The following TMPRSS9 variants were observed in gnomAD, a reference collection of about 807,000 sequenced individuals.
TMPRSS9 encodes the protein transmembrane protease serine 9.
A neutral mutation model predicts 111.4 loss-of-function variants in TMPRSS9; 113 were observed. The observed-to-expected ratio is 1.01, with a 90% CI of 0.87 to 1.19. TMPRSS9 has a LOEUF of 1.19. TMPRSS9 is among the 50% of genes most tolerant of loss of function. The pLI is 0.00. For synonymous variants in TMPRSS9, 805 were observed against 659.1 expected (o/e 1.22, Z -3.39); for missense variants, 1,803 against 1,513.1 (o/e 1.19, Z -3.18).
chr19:2,392,400 A>T (rs1223552145), intron 1 of TMPRSS9, among the ~76,000 whole-genome samples: 1 of 151,656 alleles, frequency 6.6e-6, no homozygotes, highest in Non-Finnish European at 1.5e-5. Context: ...TAAAAAATAA[A>T]AAAGAAAAAG....
chr19:2,402,277 A>G (rs1232804600), intron 5 of TMPRSS9, among the ~76,000 whole-genome samples: 1 of 151,932 alleles, frequency 6.6e-6, no homozygotes, highest in Non-Finnish European at 1.5e-5. Flanking sequence ...AAATTATTAT[A>G]AAAAATAATA....
At chr19:2,360,730 G>A (rs562576293) in intron 1 of TMPRSS9, among the ~76,000 whole-genome samples, 12 of 148,382 alleles carry the variant, frequency 8.1e-5, no homozygotes, top group East Asian at 2.0e-4. Context: ...TTATGTGGAC[G>A]CAGGTGTGGC....
intron 2 of TMPRSS9, 92 bp from the exon 4 acceptor site, chr19:2,398,703 C>G: frequency 1.2e-6 from 1 of 846,052 alleles, no homozygotes; most frequent in Non-Finnish European, 1.7e-6. Flanking sequence ...CCAACCCCTT[C>G]TCCAGCTCCC....
chr19:2,368,774 G>GTTTGTTTTTTTTTTTT (rs1970265977), intron 1 of TMPRSS9, among the ~76,000 whole-genome samples: 8 of 70,366 alleles, frequency 1.1e-4, no homozygotes, highest in African/African-American at 4.8e-4. Flanking sequence ...GATAAACCCA[G>GTTTGTTTTTTTTTTTT]TTTTTTTTTT....
At position 2,361,046 on chromosome 19, in the gene TMPRSS9, C is replaced by G. The variant is rs1002866974; in HGVS notation, c.-26+686C>G. On this transcript the variant is annotated intron_variant, in intron 1 of 17. Coordinates refer to the TMPRSS9 transcript ENST00000649857. ...CCAGAGTCCTCCCTTCTTTTCTACC[C>G]GTGAACTTCACCTAAAGCAAGAACC... is the stretch of plus-strand genomic sequence containing the variant. Among the ~76,000 whole-genome samples the G allele has an allele frequency of 3.4e-4, 51 of 148,076 alleles. 1 individual carries two copies. The highest frequency in any genetic ancestry group is 3.2e-3 in the Admixed American group (46 of 14,570).
chr19:2,377,206 G>A (rs1970342406), intron 1 of TMPRSS9, among the ~76,000 whole-genome samples: 2 of 148,978 alleles, frequency 1.3e-5, no homozygotes, highest in Admixed American at 1.3e-4. Flanking sequence ...TTTCAGTCCT[G>A]CATATGTCAG....
intron 1 of TMPRSS9, among the ~76,000 whole-genome samples, chr19:2,376,048 C>G (rs905876189): frequency 1.3e-5 from 2 of 152,118 alleles, no homozygotes; most frequent in African/African-American, 4.8e-5. Flanking sequence ...CGTGTGTTGG[C>G]TTCCTGGTGC....
intron 5 of TMPRSS9, among the ~76,000 whole-genome samples, chr19:2,402,236 A>G (rs2096471606): frequency 6.6e-6 from 1 of 151,484 alleles, no homozygotes; most frequent in South Asian, 2.1e-4. Context: ...CTACAAAAAT[A>G]ATAATAAAAA....
intron 7 of TMPRSS9, 22 bp downstream of exon 8, chr19:2,405,567 C>T: frequency 1.3e-6 from 2 of 1,512,318 alleles, no homozygotes; most frequent in Non-Finnish European, 1.8e-6. Flanking sequence ...TCCCAAAGCA[C>T]CAAACCCGAA....
At chr19:2,363,404 G>A (rs1028672928) in intron 1 of TMPRSS9, among the ~76,000 whole-genome samples, 2 of 151,944 alleles carry the variant, frequency 1.3e-5, no homozygotes, top group Admixed American at 6.6e-5. Context: ...TTGCGGAGAC[G>A]TGGAGGCATG....
intron 1 of TMPRSS9, among the ~76,000 whole-genome samples, chr19:2,377,291 ATATATG>A (rs1568169906): frequency 2.4e-4 from 28 of 117,768 alleles, no homozygotes; most frequent in Admixed American, 7.6e-5. Context: ...GTATGTATGT[ATATATG>A]TATGTATGTA....
At chr19:2,418,093 C>T (rs1473134843) in exon 13 of TMPRSS9, 2 of 1,612,368 alleles carry the variant, frequency 1.2e-6, no homozygotes, top group East Asian at 2.2e-5. Flanking sequence ...TCACAGACCG[C>T]ATGATCTGCG....
At position 2,425,386 on chromosome 19, in the gene TMPRSS9, G is replaced by A. The variant is rs1011517301; in HGVS notation, c.3013G>A (p.Ala1005Thr). The change falls in exon 17 of 18, where the codon GCC becomes ACC. Residue 1005 changes from alanine to threonine, a missense_variant. Coordinates refer to ENST00000648592, the Ensembl canonical transcript of TMPRSS9. ...CATGGCGCGGCAGCTGCAGAAGGCG[G>A]CCGTGCGCCTCCTCAGCGAGCAGAC... 13 of 1,549,186 alleles carry A rather than the reference G, an allele frequency of 8.4e-6. No individual in the cohort carries two copies. The African/African-American group carries it at 1.5e-4, about 18-fold the overall frequency.
chr19:2,401,921 C>G (rs1970857091), intron 4 of TMPRSS9, 54 bp from the exon 6 acceptor site: 2 of 1,550,898 alleles, frequency 1.3e-6, no homozygotes, highest in Non-Finnish European at 1.8e-6. Flanking sequence ...AGGATGTGTT[C>G]AAAGGGTTTT....
At chr19:2,419,198 G>C (rs1338001564) in intron 13 of TMPRSS9, among the ~76,000 whole-genome samples, 1 of 112,002 alleles carries the variant, frequency 8.9e-6, no homozygotes. Context: ...CTCTCTCTCT[G>C]TCTTTCTCTC....
chr19:2,369,165 G>A (rs1380473896), intron 1 of TMPRSS9, among the ~76,000 whole-genome samples: 1 of 152,028 alleles, frequency 6.6e-6, no homozygotes, highest in Non-Finnish European at 1.5e-5. Context: ...TGGCCATGCT[G>A]GTCTCAAACT....
intron 1 of TMPRSS9, 99 bp from the exon 3 acceptor site, chr19:2,396,440 G>C (rs957459554): frequency 2.1e-6 from 3 of 1,402,220 alleles, no homozygotes; most frequent in South Asian, 1.5e-5. Context: ...TGACCACCAG[G>C]GTGTGTGAGT....
At chr19:2,379,615 C>CTCTTTCTTTCTTTCTTTCTTTCTATCTT (rs1970366332) in intron 1 of TMPRSS9, among the ~76,000 whole-genome samples, 1 of 118,510 alleles carries the variant, frequency 8.4e-6, no homozygotes, top group African/African-American at 3.2e-5. Flanking sequence ...AACTTTCTTT[C>CTCTTTCTTTCTTTCTTTCTTTCTATCTT]TCTTTCTTTC....
At chr19:2,408,572 C>A (rs927108717) in exon 8 of TMPRSS9, 10 of 1,613,466 alleles carry the variant, frequency 6.2e-6, no homozygotes, top group Non-Finnish European at 8.5e-6. Flanking sequence ...CCACACACAT[C>A]TTCCCACCCA....
Sources: gnomAD v4.1 joint callset for allele counts (sites outside exome capture counted in the v4.1 genomes callset) on GRCh38, gnomAD v4.1.1 for gene constraint, MANE v1.5 for transcripts, NCBI Gene and HGNC (gene_info 2026-07-23, HGNC 2026-07-21) for gene names.